The following ZNF260 variants were observed in gnomAD, a reference collection of about 807,000 sequenced individuals.
ZNF260 encodes the protein zfp-260.
A neutral mutation model predicts 29.3 loss-of-function variants in ZNF260; 21 were observed. The ratio of observed to expected loss-of-function variants is 0.72; its 90% confidence interval spans 0.51 to 1.03. ZNF260 has a LOEUF of 1.03. ZNF260 is among the 50% of genes least tolerant of loss of function. ZNF260 has a pLI of 0.00. For synonymous variants in ZNF260, 156 were observed against 156.8 expected (o/e 0.99, Z 0.04); for missense variants, 465 against 487.8 (o/e 0.95, Z 0.44).
intron 2 of ZNF260, among the ~76,000 whole-genome samples, chr19:36,516,069 T>C (rs2034544995): frequency 6.6e-6 from 1 of 151,954 alleles, no homozygotes; most frequent in Non-Finnish European, 1.5e-5. Context: ...GCAAGGTTTC[T>C]CCATGTGGGC....
chr19:36,523,903 G>T (rs901042735), intron 2 of ZNF260, among the ~76,000 whole-genome samples: 2 of 151,628 alleles, frequency 1.3e-5, no homozygotes, highest in African/African-American at 4.8e-5. Context: ...AAATTAACAG[G>T]GTAATGAACT....
rs780841609 is a variant in ZNF260, at chr19:36,514,792, T to C, written c.447A>G (p.Ala149=). The C allele has an allele frequency of 4.3e-6, 7 of 1,613,828 alleles. No homozygotes were observed. Among genetic ancestry groups the C allele is most frequent in the Non-Finnish European group, 5.9e-6 (7 of 1,180,024 alleles). The change falls in exon 3 of 3, where the codon GCA becomes GCG. Residue 149 remains alanine, a synonymous_variant. Coordinates refer to ENST00000523638, the MANE Select transcript of ZNF260 (RefSeq NM_001166037.2). ...KECGKAFNGK[A]YLTEHEKIHT... ...GAATTTTCTCATGCTCAGTGAGATA[T>C]GCTTTGCCGTTAAAGGCTTTGCCAC...
At chr19:36,519,329 T>C (rs2034603306) in intron 2 of ZNF260, among the ~76,000 whole-genome samples, 1 of 152,162 alleles carries the variant, frequency 6.6e-6, no homozygotes, top group African/African-American at 2.4e-5. Flanking sequence ...GGTTTACCAG[T>C]CAACAATGCT....
chr19:36,523,401 A>G (rs1476541520), intron 2 of ZNF260, among the ~76,000 whole-genome samples: 2 of 152,116 alleles, frequency 1.3e-5, no homozygotes, highest in African/African-American at 4.8e-5. Flanking sequence ...TCACTGCTCT[A>G]CTTGAAAGCC....
At chr19:36,520,047 A>G (rs1024245302) in intron 2 of ZNF260, among the ~76,000 whole-genome samples, 3 of 151,828 alleles carry the variant, frequency 2.0e-5, no homozygotes, top group African/African-American at 7.3e-5. Flanking sequence ...TAAAAATACA[A>G]AATTAGCCGG....
chr19:36,521,284 C>G (rs2034641253), intron 2 of ZNF260, among the ~76,000 whole-genome samples: 2 of 152,104 alleles, frequency 1.3e-5, no homozygotes, highest in Admixed American at 6.6e-5. Context: ...ATATTCCAAA[C>G]AATCCAAAAG....
rs953538035 is a variant in ZNF260, at chr19:36,514,807, G to C, written c.432C>G (p.Ala144=). 6.2e-7 allele frequency: 1 copy of C among 1,613,868 alleles called. No homozygotes were observed. Among genetic ancestry groups the C allele is most frequent in the Non-Finnish European group, 8.5e-7 (1 of 1,180,004 alleles). The change falls in exon 3 of 3, where the codon GCC becomes GCG. Residue 144 remains alanine (A), a synonymous_variant. Transcript: ENST00000523638. ...CAGTGAGATATGCTTTGCCGTTAAA[G>C]GCTTTGCCACATTCCTTACATGCAT... ...KPYACKECGK[A]FNGKAYLTEH... is the part of the protein sequence containing the mutation.
Position 36,515,556 on chromosome 19 carries a change from C to T in ZNF260, c.-318G>A, listed in dbSNP as rs2034535339. 1 of 205,734 alleles carries T rather than the reference C, an allele frequency of 4.9e-6. No individual in the cohort carries two copies. The highest frequency in any genetic ancestry group is 1.1e-5 in the Non-Finnish European group (1 of 92,972). 12.7% of individuals were successfully genotyped at this position (205,734 alleles called of 1,614,324 possible). The stretch of plus-strand genomic sequence containing the variant: ...TGAGTTCCATACACAGAAGGGTAGT[C>T]TTGAAGAATCAATGACTGTTCAGAG... On this transcript the variant is annotated 5_prime_UTR_variant, in exon 3 of 3. Coordinates refer to ENST00000523638, the MANE Select transcript of ZNF260 (RefSeq NM_001166037.2).
chr19:36,521,501 C>G (rs1273320676), intron 2 of ZNF260, among the ~76,000 whole-genome samples: 1 of 152,204 alleles, frequency 6.6e-6, no homozygotes, highest in African/African-American at 2.4e-5. Context: ...GCCTGTAATC[C>G]CAGCACTTGG....
chr19:36,518,330 C>A (rs1045604846), intron 2 of ZNF260, among the ~76,000 whole-genome samples: 1 of 152,062 alleles, frequency 6.6e-6, no homozygotes, highest in Admixed American at 6.6e-5. Context: ...ACATCAAAGG[C>A]AGATCAAACA....
Position 36,514,402 on chromosome 19 carries a change from A to C in ZNF260, c.837T>G (p.Asn279Lys), listed in dbSNP as rs1301949922. The C allele has an allele frequency of 3.1e-6, 5 of 1,613,566 alleles. No homozygotes were observed. Among genetic ancestry groups the C allele is most frequent in the Non-Finnish European group, 4.2e-6 (5 of 1,179,628 alleles). The stretch of plus-strand genomic sequence containing the variant: ...TCTGCCTGAAGATTGTTCCACATTC[A>C]TTACATTTGTAGGGTTTCTCTCCAA... ...IHIGEKPYKC[N>K]ECGTIFRQKQ... is the part of the protein sequence containing the mutation. The change falls in exon 3 of 3, where the codon AAT (asparagine) becomes AAG (lysine). Residue 279 changes from asparagine to lysine, a missense_variant. Physicochemically the swap from Asn to Lys is moderately conservative, Grantham distance 94. Coordinates refer to ENST00000523638, the MANE Select transcript of ZNF260 (RefSeq NM_001166037.2).
chr19:36,513,969 T>G lies in ZNF260; in HGVS notation c.*31A>C. On this transcript the variant is annotated 3_prime_UTR_variant, in exon 3 of 3. Transcript: ENST00000523638. ...ATTAAGTGTAAAATCTGCTGAACGT[T>G]TTGCTAAATCCAAGGCATTCATAGA... 1 of 1,582,564 alleles carries G rather than the reference T, an allele frequency of 6.3e-7. No individual in the cohort carries two copies. Among genetic ancestry groups the G allele is most frequent in the Non-Finnish European group, 8.6e-7 (1 of 1,162,376 alleles).
In ZNF260 at chr19:36,515,063, T is replaced by C; in HGVS notation, c.176A>G (p.Glu59Gly). The change falls in exon 3 of 3, where the codon GAA becomes GGA. Residue 59 changes from glutamate (E) to glycine (G), a missense_variant. By Grantham distance (98) the Glu-to-Gly change is moderately conservative. Coordinates refer to ENST00000523638, the MANE Select transcript of ZNF260 (RefSeq NM_001166037.2). Reference sequence around the variant, plus strand: ...GACTCGAGAGCACACTTTACCACATTCAGTGCATTCATGAGATTTCTCTCC... The same window carrying C: ...GACTCGAGAGCACACTTTACCACATCCAGTGCATTCATGAGATTTCTCTCC... ...HTGEKSHECT[E>G]CGKVCSRVSS... The C allele has an allele frequency of 6.2e-7, 1 of 1,614,144 alleles. No homozygotes were observed. Among genetic ancestry groups the C allele is most frequent in the Non-Finnish European group, 8.5e-7 (1 of 1,180,008 alleles).
intron 2 of ZNF260, among the ~76,000 whole-genome samples, chr19:36,518,668 G>C (rs1310036847): frequency 6.6e-6 from 1 of 152,122 alleles, no homozygotes; most frequent in African/African-American, 2.4e-5. Context: ...GAAGAAAAAT[G>C]AATACAGGAC....
chr19:36,523,397 C>T (rs967344006), intron 2 of ZNF260, among the ~76,000 whole-genome samples: 4 of 152,092 alleles, frequency 2.6e-5, no homozygotes, highest in Non-Finnish European at 5.9e-5. Context: ...CACATCACTG[C>T]TCTACTTGAA....
Position 36,513,993 on chromosome 19 carries a change from G to A in ZNF260, c.*7C>T, listed in dbSNP as rs1163675310. ...TTTTGCTAAATCCAAGGCATTCATA[G>A]AGAACTTTAATGAGTATGAATTCTC... is the stretch of plus-strand genomic sequence containing the variant. On this transcript the variant is annotated 3_prime_UTR_variant, in exon 3 of 3. Transcript: ENST00000523638. The A allele has an allele frequency of 3.7e-6, 6 of 1,602,228 alleles. No individual in the cohort carries two copies. Among genetic ancestry groups the A allele is most frequent in the Non-Finnish European group, 4.3e-6 (5 of 1,171,780 alleles).
chr19:36,519,984 G>A (rs2034614919), intron 2 of ZNF260, among the ~76,000 whole-genome samples: 1 of 152,018 alleles, frequency 6.6e-6, no homozygotes, highest in South Asian at 2.1e-4. Flanking sequence ...CAGATCACTT[G>A]AGGTTAGGAG....
chr19:36,526,279 G>A (rs557780562), intron 1 of ZNF260, among the ~76,000 whole-genome samples: 21 of 152,046 alleles, frequency 1.4e-4, no homozygotes, highest in Non-Finnish European at 2.6e-4. Context: ...GGTGGCTCAC[G>A]CCTGTAATCC....
chr19:36,517,050 TGAA>T (rs1216059101), intron 2 of ZNF260, among the ~76,000 whole-genome samples: 3 of 152,142 alleles, frequency 2.0e-5, no homozygotes, highest in African/African-American at 7.2e-5. Context: ...AGTAAAAGGG[TGAA>T]GAAGGACACA....
Sources: gnomAD v4.1 joint callset for allele counts (sites outside exome capture counted in the v4.1 genomes callset) on GRCh38, gnomAD v4.1.1 for gene constraint, MANE v1.5 for transcripts, NCBI Gene and HGNC (gene_info 2026-07-23, HGNC 2026-07-21) for gene names.